The following CCDC158 variants were observed in gnomAD, a reference collection of about 807,000 sequenced individuals.
The protein encoded by CCDC158 is coiled-coil domain-containing protein 158.
CCDC158 carries 116 observed loss-of-function variants against 138.6 expected under a neutral mutation model. That is an observed-to-expected ratio of 0.84 (90% CI 0.72 to 0.98). The LOEUF (loss-of-function observed/expected upper bound fraction) is 0.98, where lower values mean the gene tolerates loss of function less well. CCDC158 is among the 50% of genes least tolerant of loss of function. CCDC158 has a pLI of 0.00. For missense variants in CCDC158, 1,265 were observed against 1,306.1 expected (o/e 0.97, Z 0.48); for synonymous variants, 436 against 442.4 (o/e 0.99, Z 0.18).
intron 18 of CCDC158, among the ~76,000 whole-genome samples, chr4:76,346,982 C>T (rs572394809): frequency 1.3e-5 from 2 of 152,058 alleles, no homozygotes; most frequent in South Asian, 4.2e-4. Flanking sequence ...AATGAGATAC[C>T]ATCTCATGCC....
At chr4:76,355,279 G>T in intron 15 of CCDC158, 45 bp downstream of exon 15, 1 of 1,214,988 alleles carries the variant, frequency 8.2e-7, no homozygotes, top group Non-Finnish European at 1.2e-6. Context: ...TGGTCTGCCT[G>T]TGAGTGAACA....
chr4:76,399,628 T>C (rs1579081616), intron 3 of CCDC158, among the ~76,000 whole-genome samples: 1 of 151,992 alleles, frequency 6.6e-6, no homozygotes, highest in African/African-American at 2.4e-5. Flanking sequence ...AAAACGTAGG[T>C]AGGGAATACA....
chr4:76,345,435 T>C (rs1722455622), intron 18 of CCDC158: 1 of 939,386 alleles, frequency 1.1e-6, no homozygotes, highest in Admixed American at 1.7e-5. Flanking sequence ...TGAACAGCTT[T>C]CCAAATCTGC....
intron 14 of CCDC158, 128 bp from the exon 15 acceptor site, chr4:76,355,564 A>G: frequency 1.4e-6 from 1 of 698,150 alleles, no homozygotes; most frequent in Non-Finnish European, 2.6e-6. Context: ...AGTTTCAAGG[A>G]AAAGATCATG....
At chr4:76,358,941 C>T (rs556872830) in intron 13 of CCDC158, among the ~76,000 whole-genome samples, 2 of 152,170 alleles carry the variant, frequency 1.3e-5, no homozygotes, top group South Asian at 4.1e-4. Flanking sequence ...GTGTTCTGAC[C>T]CAAATCGCAT....
chr4:76,322,248 G>A (rs1720091242), intron 24 of CCDC158, among the ~76,000 whole-genome samples: 1 of 152,090 alleles, frequency 6.6e-6, no homozygotes, highest in African/African-American at 2.4e-5. Context: ...CAGGGACTTG[G>A]AATTTTCTTC....
chr4:76,332,143 TA>T (rs1721064271), intron 20 of CCDC158, among the ~76,000 whole-genome samples: 1 of 152,212 alleles, frequency 6.6e-6, no homozygotes, highest in Non-Finnish European at 1.5e-5. Context: ...TAAATATGTG[TA>T]AATGTAGAAA....
chr4:76,379,377 C>T lies in CCDC158; in HGVS notation c.942G>A (p.Met314Ile), dbSNP rs1385972123. 6.2e-7 allele frequency: 1 copy of T among 1,604,516 alleles called. No individual in the cohort carries two copies. Residue 314 changes from methionine to isoleucine, a missense_variant, in exon 9 of 25, where the codon ATG (methionine) becomes ATA (isoleucine). Coordinates refer to ENST00000682701, the MANE Select transcript of CCDC158 (RefSeq NM_001394954.1). The stretch of plus-strand genomic sequence containing the variant: ...CCAGATCGCTGAGCTGACGCATATA[C>T]ATAGAGTTTTGGTTTCTTGCTTGCT... Reference protein sequence around the residue: ...IQEQARNQNSMYMRQLSDLES... With the variant: ...IQEQARNQNSIYMRQLSDLES...
chr4:76,375,216 C>T (rs1725604124), intron 9 of CCDC158: 2 of 264,782 alleles, frequency 7.6e-6, no homozygotes, highest in African/African-American at 2.2e-5. Context: ...TACGTAGTAG[C>T]ACTGGTTTTC....
intron 3 of CCDC158, among the ~76,000 whole-genome samples, chr4:76,400,412 G>A (rs1579084066): frequency 7.5e-6 from 1 of 133,722 alleles, no homozygotes; most frequent in African/African-American, 2.8e-5. Context: ...TGTGGGGTGG[G>A]GGGAGGGGGG....
intron 10 of CCDC158, among the ~76,000 whole-genome samples, chr4:76,371,036 T>A (rs932152528): frequency 6.6e-6 from 1 of 152,238 alleles, no homozygotes; most frequent in African/African-American, 2.4e-5. Flanking sequence ...ACTGTCCTTT[T>A]CTTTTAAAAC....
intron 8 of CCDC158, among the ~76,000 whole-genome samples, chr4:76,381,160 TC>T (rs1383859563): frequency 6.6e-6 from 1 of 151,938 alleles, no homozygotes; most frequent in East Asian, 1.9e-4. Flanking sequence ...CCACACAGAG[TC>T]CCCACTGGGG....
chr4:76,329,451 G>C (rs1481175090), intron 21 of CCDC158, among the ~76,000 whole-genome samples: 3 of 152,102 alleles, frequency 2.0e-5, no homozygotes, highest in Non-Finnish European at 4.4e-5. Context: ...GGGCGAGGTG[G>C]CGGGAACCTG....
chr4:76,395,062 A>G (rs1579070195), intron 4 of CCDC158, among the ~76,000 whole-genome samples: 1 of 152,208 alleles, frequency 6.6e-6, no homozygotes, highest in East Asian at 1.9e-4. Flanking sequence ...AGGGAAATTT[A>G]CTGATTTAAC....
chr4:76,403,956 A>C (rs1363618052), intron 2 of CCDC158, among the ~76,000 whole-genome samples: 2 of 152,158 alleles, frequency 1.3e-5, no homozygotes, highest in Non-Finnish European at 2.9e-5. Flanking sequence ...ATTCATCCCC[A>C]GAGGTGAAAA....
intron 1 of CCDC158, among the ~76,000 whole-genome samples, chr4:76,412,732 C>G (rs1449781626): frequency 6.6e-6 from 1 of 152,112 alleles, no homozygotes; most frequent in Middle Eastern, 3.2e-3. Context: ...GCCTGGGTGA[C>G]AGAACGAGAC....
Position 76,403,216 on chromosome 4 carries a change from T to A in CCDC158, c.-9A>T. On this transcript the variant is annotated 5_prime_UTR_variant, in exon 3 of 25. Transcript: ENST00000682701. ...CAAGCTTTTGATTCCATATTAAATA[T>A]TGCTACTTCTTATTAGAGATCTTGA... 6.4e-7 allele frequency: 1 copy of A among 1,564,038 alleles called. No homozygotes were observed. Among genetic ancestry groups the A allele is most frequent in the Non-Finnish European group, 8.8e-7 (1 of 1,140,306 alleles).
intron 6 of CCDC158, 126 bp downstream of exon 6, chr4:76,383,961 TA>T (rs1726528745): frequency 1.3e-6 from 1 of 786,982 alleles, no homozygotes; most frequent in Admixed American, 2.9e-5. Flanking sequence ...ACTGTGGAAG[TA>T]ACTTCTGTTA....
intron 2 of CCDC158, among the ~76,000 whole-genome samples, chr4:76,404,106 T>TC (rs1477443747): frequency 6.6e-6 from 1 of 151,680 alleles, no homozygotes; most frequent in Non-Finnish European, 1.5e-5. Flanking sequence ...AAAAATGGTC[T>TC]CCCCTAGGGA....
Sources: allele counts gnomAD v4.1 joint callset (sites outside exome capture counted in the v4.1 genomes callset), GRCh38; gene constraint gnomAD v4.1.1; transcripts MANE v1.5; gene names NCBI Gene and HGNC (gene_info 2026-07-23, HGNC 2026-07-21).